The following SORCS2 variants were observed in gnomAD, a reference collection of about 807,000 sequenced individuals.
The protein encoded by SORCS2 is VPS10 domain-containing receptor SorCS2.
A neutral mutation model predicts 141.6 loss-of-function variants in SORCS2; 100 were observed. The ratio of observed to expected loss-of-function variants is 0.71; its 90% confidence interval spans 0.60 to 0.83. The LOEUF (loss-of-function observed/expected upper bound fraction) is 0.83. Among genes scored for constraint, SORCS2 ranks in the 40% least tolerant of loss-of-function variants. The probability of loss-of-function intolerance (pLI) is 0.00; values close to 1 mark genes in which losing one functional copy is unlikely to be tolerated. For missense variants in SORCS2, 1,646 were observed against 1,560.2 expected (o/e 1.05, Z -0.93); for synonymous variants, 789 against 676.9 (o/e 1.17, Z -2.57).
At chr4:7,482,281 G>A (rs1211551581) in intron 2 of SORCS2, among the ~76,000 whole-genome samples, 1 of 25,454 alleles carries the variant, frequency 3.9e-5, no homozygotes. Flanking sequence ...CACCCCTGAC[G>A]CCGTTCAGAC....
chr4:7,237,611 G>A (rs562547553), intron 1 of SORCS2, among the ~76,000 whole-genome samples: 6 of 152,230 alleles, frequency 3.9e-5, no homozygotes, highest in Admixed American at 1.3e-4. Flanking sequence ...TTGCTGCAAC[G>A]GGTGCCTTAT....
chr4:7,620,723 G>A (rs898445679), intron 3 of SORCS2, among the ~76,000 whole-genome samples: 2 of 152,236 alleles, frequency 1.3e-5, no homozygotes, highest in African/African-American at 2.4e-5. Context: ...AGGCTGTGGG[G>A]CAGGAGCTCT....
intron 2 of SORCS2, among the ~76,000 whole-genome samples, chr4:7,438,183 T>A (rs1041434811): frequency 2.0e-5 from 3 of 152,228 alleles, no homozygotes. Flanking sequence ...ATGCAATTCC[T>A]GGTCATGGTG....
intron 3 of SORCS2, among the ~76,000 whole-genome samples, chr4:7,599,838 TA>T (rs1265678001): frequency 7.3e-5 from 11 of 150,958 alleles, no homozygotes; most frequent in Middle Eastern, 3.4e-3. Context: ...TTTTTTTTTT[TA>T]TTGAGACAGA....
chr4:7,724,150 G>GGTGGTGTTGGTGGTGGTGATA (rs1726825532), intron 19 of SORCS2, among the ~76,000 whole-genome samples: 18 of 135,478 alleles, frequency 1.3e-4, no homozygotes, highest in African/African-American at 5.9e-4. Flanking sequence ...TGATGGTCGT[G>GGTGGTGTTGGTGGTGGTGATA]GTGGTGGTGG....
intron 5 of SORCS2, among the ~76,000 whole-genome samples, chr4:7,660,971 C>G (rs1308217775): frequency 6.6e-6 from 1 of 152,152 alleles, no homozygotes; most frequent in Non-Finnish European, 1.5e-5. Context: ...TCAGGTGAGC[C>G]TGGCTTGAAT....
chr4:7,254,449 A>G (rs1713710870), intron 1 of SORCS2, among the ~76,000 whole-genome samples: 2 of 152,258 alleles, frequency 1.3e-5, no homozygotes, highest in Non-Finnish European at 2.9e-5. Context: ...GATCTCACTC[A>G]TAAGTGGGTA....
rs182356084 is a variant in SORCS2 at position 7,340,312 on chromosome 4, G to C, written c.481-55976G>C. Among the ~76,000 whole-genome samples, 935 of 152,368 alleles carry C rather than the reference G, an allele frequency of 6.1e-3. 3 individuals carry two copies. Among genetic ancestry groups the C allele is most frequent in the Non-Finnish European group, 8.9e-3 (605 of 68,042 alleles). On this transcript the variant is annotated intron_variant, in intron 1 of 26. Coordinates refer to ENST00000507866, the MANE Select transcript of SORCS2 (RefSeq NM_020777.3). ...CATGCCATTGCACACAGTGGGGCAG[G>C]GAGACTGGGTAGGAGCTGGGACTGA...
chr4:7,371,065 C>T lies in SORCS2; in HGVS notation c.481-25223C>T, dbSNP rs1173632454. Among the ~76,000 whole-genome samples the T allele has an allele frequency of 3.3e-5, 5 of 152,346 alleles. No individual in the cohort carries two copies. The East Asian group carries it at 9.6e-4, about 29-fold the overall frequency. ...CCCCTGGATGGCAGAGCTGAGGTCTCTTCAGTGCCACATCGGGAGCAGGTC... is the reference window on the plus strand; with the variant it reads ...CCCCTGGATGGCAGAGCTGAGGTCTTTTCAGTGCCACATCGGGAGCAGGTC... On this transcript the variant is annotated intron_variant, in intron 1 of 26. Transcript: ENST00000507866.
chr4:7,723,605 G>A (rs1417609578), intron 18 of SORCS2, 92 bp from the exon 19 acceptor site: 24 of 1,404,032 alleles, frequency 1.7e-5, no homozygotes, highest in Non-Finnish European at 2.4e-5. Flanking sequence ...GGCAATGAAT[G>A]AATGAGTGAG....
rs368526174 is a variant in SORCS2 at position 7,729,595 on chromosome 4, C to G, written c.2991C>G (p.Ser997Arg). Residue 997 changes from serine (S) to arginine (R), a missense_variant, in exon 23 of 27, where the codon AGC becomes AGG. Ser to Arg is a moderately radical substitution (Grantham distance 110). Transcript: ENST00000507866. Reference sequence around the variant, plus strand: ...CTTAACTCTCCCCGCAGGAGACCAGCGTCCCTCAGGAGCTTCTGGTGACTG... The same window carrying G: ...CTTAACTCTCCCCGCAGGAGACCAGGGTCCCTCAGGAGCTTCTGGTGACTG... The part of the protein sequence containing the change: ...VVTRLLSKET[S>R]VPQELLVTVV... 1 of 1,583,820 alleles carries G rather than the reference C, an allele frequency of 6.3e-7. No homozygotes were observed. Among genetic ancestry groups the G allele is most frequent in the South Asian group, 1.2e-5 (1 of 86,484 alleles).
intron 15 of SORCS2, 113 bp downstream of exon 15, chr4:7,712,966 A>T: frequency 6.9e-7 from 1 of 1,449,602 alleles, no homozygotes; most frequent in Non-Finnish European, 9.2e-7. Flanking sequence ...CCCCGCCTCC[A>T]AGAAGTCTTC....
At chr4:7,475,298 G>T (rs781460006) in intron 2 of SORCS2, among the ~76,000 whole-genome samples, 3 of 152,178 alleles carry the variant, frequency 2.0e-5, no homozygotes, top group Non-Finnish European at 4.4e-5. Context: ...ACTATGGAGA[G>T]CTGGTCATGG....
At chr4:7,676,369 C>T in intron 9 of SORCS2, 140 bp downstream of exon 9, 1 of 885,290 alleles carries the variant, frequency 1.1e-6, no homozygotes, top group South Asian at 1.8e-5. Context: ...CTGTACACAG[C>T]CAAATATTTT....
intron 2 of SORCS2, among the ~76,000 whole-genome samples, chr4:7,479,524 T>C (rs921158562): frequency 2.0e-5 from 3 of 152,216 alleles, no homozygotes; most frequent in African/African-American, 7.2e-5. Flanking sequence ...CCTGAGGCAT[T>C]AGCCCCTTCT....
chr4:7,463,090 T>C (rs1001525452), intron 2 of SORCS2, among the ~76,000 whole-genome samples: 2 of 152,058 alleles, frequency 1.3e-5, no homozygotes, highest in African/African-American at 4.8e-5. Flanking sequence ...ATCCTCATTG[T>C]ACAGGTGAGG....
chr4:7,554,588 G>A (rs764128031), intron 3 of SORCS2, among the ~76,000 whole-genome samples: 49 of 152,158 alleles, frequency 3.2e-4, no homozygotes, highest in Admixed American at 1.3e-4. Flanking sequence ...GTGTTTGGAG[G>A]TGAAGTGTTA....
rs185602050 is a variant in SORCS2 at position 7,434,966 on chromosome 4, C to T, written c.548+38611C>T. The T allele has an allele frequency of 1.1e-3, 1,597 of 1,439,688 alleles. 13 individuals are homozygous for T. In the East Asian group the frequency reaches 0.016, roughly 14 times the overall value. 89.2% of individuals were successfully genotyped at this position (1,439,688 alleles called of 1,614,324 possible). ...CTCCTGCCTGGCCCCAGAGGAGGCA[C>T]GGAAGGGCGGCCCCACCTCCTGGCC... On this transcript the variant is annotated intron_variant, in intron 2 of 26. Transcript: ENST00000507866.
chr4:7,625,206 G>A (rs577736318), intron 3 of SORCS2, among the ~76,000 whole-genome samples: 3 of 152,220 alleles, frequency 2.0e-5, no homozygotes, highest in East Asian at 3.9e-4. Context: ...TTCTGTAATC[G>A]TGTTTGAGTG....
Sources: gnomAD v4.1 joint callset for allele counts (sites outside exome capture counted in the v4.1 genomes callset) on GRCh38, gnomAD v4.1.1 for gene constraint, MANE v1.5 for transcripts, NCBI Gene and HGNC (gene_info 2026-07-23, HGNC 2026-07-21) for gene names.